The following POLR3A variants were observed in gnomAD, a reference collection of about 807,000 sequenced individuals.
The protein encoded by POLR3A is RNA polymerase III subunit A, also known as DNA-directed RNA polymerase III subunit RPC1.
POLR3A carries 112 observed loss-of-function variants against 152.8 expected under a neutral mutation model. The observed-to-expected ratio is 0.73, with a 90% confidence interval of 0.63 to 0.86. The LOEUF is 0.86. POLR3A is among the 40% of genes least tolerant of loss of function. POLR3A has a pLI of 0.00. For synonymous variants in POLR3A, 615 were observed against 652.1 expected, an observed-to-expected ratio of 0.94 and a Z score of 0.87; for missense variants, 1,385 against 1,743.1, an observed-to-expected ratio of 0.79 and a Z score of 3.66.
intron 28 of POLR3A, 36 bp downstream of exon 28, chr10:77,982,118 C>T (rs145084873): frequency 1.3e-6 from 2 of 1,597,960 alleles, no homozygotes; most frequent in Non-Finnish European, 1.7e-6. Context: ...AGGAAGACAG[C>T]CTAACCCTAA....
intron 7 of POLR3A, 33 bp downstream of exon 7, chr10:78,021,827 G>T: frequency 6.2e-7 from 1 of 1,612,652 alleles, no homozygotes; most frequent in African/African-American, 1.3e-5. Context: ...AAAGAGAGTG[G>T]GCTGGCTTCT....
At chr10:78,018,151 G>A (rs1238615759) in intron 9 of POLR3A, among the ~76,000 whole-genome samples, 3 of 146,024 alleles carry the variant, frequency 2.1e-5, no homozygotes. Flanking sequence ...GCTCCAGCCT[G>A]AGTGACAGAC....
At chr10:78,008,018 G>GGT in intron 14 of POLR3A, 152 bp from the exon 15 acceptor site, 2 of 414,328 alleles carry the variant, frequency 4.8e-6, no homozygotes, top group Non-Finnish European at 4.4e-6. Flanking sequence ...TTGGGGGGAG[G>GGT]GAGGGGGGGT....
chr10:78,007,461 G>A (rs746727816), intron 15 of POLR3A, among the ~76,000 whole-genome samples: 1 of 152,184 alleles, frequency 6.6e-6, no homozygotes, highest in Non-Finnish European at 1.5e-5. Flanking sequence ...GAAGACCGTA[G>A]GGAGCTACTG....
chr10:78,024,145 C>G (rs1158368724), intron 5 of POLR3A, among the ~76,000 whole-genome samples: 1 of 152,068 alleles, frequency 6.6e-6, no homozygotes, highest in Non-Finnish European at 1.5e-5. Flanking sequence ...GACTGGATCA[C>G]CTGTGGTCAG....
At chr10:77,988,945 T>C (rs11815910) in intron 21 of POLR3A, among the ~76,000 whole-genome samples, 1,581 of 152,298 alleles carry the variant, frequency 0.01, 31 homozygotes, top group African/African-American at 0.035. Context: ...CAAGGGACTG[T>C]GCACACATAG....
chr10:78,017,055 A>G (rs1015730819), intron 10 of POLR3A, among the ~76,000 whole-genome samples: 9 of 152,086 alleles, frequency 5.9e-5, no homozygotes, highest in African/African-American at 1.9e-4. Context: ...AAAAATATTA[A>G]AGCTTACTAA....
Position 78,022,234 on chromosome 10 carries a change from C to A in POLR3A, c.796G>T (p.Val266Phe). Residue 266 changes from valine to phenylalanine, a missense_variant, in exon 6 of 31, where the codon GTT (valine) becomes TTT (phenylalanine). Coordinates refer to ENST00000372371, the MANE Select transcript of POLR3A (RefSeq NM_007055.4). ...GTGCCAGACTTCAAATCACTCACAACGGAGGGTCTGATACACAAAGGAGGC... is the reference window on the plus strand; with the variant it reads ...GTGCCAGACTTCAAATCACTCACAAAGGAGGGTCTGATACACAAAGGAGGC... ...LVPPLCIRPS[V>F]VSDLKSGTNE... The A allele has an allele frequency of 6.2e-7, 1 of 1,614,170 alleles. No individual in the cohort carries two copies. Among genetic ancestry groups the A allele is most frequent in the Non-Finnish European group, 8.5e-7 (1 of 1,180,006 alleles).
intron 19 of POLR3A, among the ~76,000 whole-genome samples, chr10:77,995,454 G>T (rs1847290333): frequency 6.6e-6 from 1 of 152,262 alleles, no homozygotes; most frequent in Non-Finnish European, 1.5e-5. Context: ...CAAAATAAAG[G>T]GATGGAGGAA....
intron 30 of POLR3A, among the ~76,000 whole-genome samples, chr10:77,977,986 G>A (rs1847105652): frequency 6.6e-6 from 1 of 152,190 alleles, no homozygotes; most frequent in Non-Finnish European, 1.5e-5. Flanking sequence ...GAAACTCTAA[G>A]TTTGCCACCC....
At chr10:78,018,415 C>G (rs1439638392) in intron 9 of POLR3A, among the ~76,000 whole-genome samples, 2 of 151,198 alleles carry the variant, frequency 1.3e-5, no homozygotes. Flanking sequence ...AGGAAACTTG[C>G]TTGAACCTGG....
Position 78,020,613 on chromosome 10 carries a change from T to C in POLR3A, c.1185+933A>G, listed in dbSNP as rs987699003. On this transcript the variant is annotated intron_variant, in intron 8 of 30. Transcript: ENST00000372371. Reference sequence around the variant, plus strand: ...ACGATCCTGGCCAACATGGTGAAACTCCGTCTCTACTAAAAATACAGAAAA... The same window carrying C: ...ACGATCCTGGCCAACATGGTGAAACCCCGTCTCTACTAAAAATACAGAAAA... Among the ~76,000 whole-genome samples the C allele has an allele frequency of 3.3e-5, 5 of 151,144 alleles. No homozygotes were observed. The East Asian group carries it at 7.9e-4, about 24-fold the overall frequency.
At chr10:78,006,419 A>G (rs1847412704) in intron 15 of POLR3A, among the ~76,000 whole-genome samples, 1 of 150,644 alleles carries the variant, frequency 6.6e-6, no homozygotes. Context: ...AAAAAAAAAA[A>G]AAGAAACAAA....
chr10:77,986,997 AGT>A (rs1847204607), intron 21 of POLR3A, among the ~76,000 whole-genome samples: 1 of 152,202 alleles, frequency 6.6e-6, no homozygotes, highest in Non-Finnish European at 1.5e-5. Flanking sequence ...TAGGATTTAC[AGT>A]GTGTCTGTGA....
At chr10:78,004,632 C>CA in intron 16 of POLR3A, 84 bp downstream of exon 16, 2 of 1,130,834 alleles carry the variant, frequency 1.8e-6, no homozygotes, top group Non-Finnish European at 2.6e-6. Flanking sequence ...TACCTCTATT[C>CA]ATGGCTCAGC....
At chr10:78,017,799 TTAATA>T in intron 9 of POLR3A, 83 bp from the exon 10 acceptor site, 2 of 1,405,068 alleles carry the variant, frequency 1.4e-6, no homozygotes, top group Non-Finnish European at 2.0e-6. Context: ...GATTCAATCT[TTAATA>T]TATTATTTCA....
In POLR3A at chr10:77,982,778, T is replaced by C; in HGVS notation, c.3469A>G (p.Lys1157Glu). ...ETVRYSICTS[K>E]LRVKPGDVAV... is the part of the protein sequence containing the mutation. ...ACATCACCGGGCTTCACACGGAGCT[T>C]GGATGTGCAGATGGAATATCTCACT... is the stretch of plus-strand genomic sequence containing the variant. Residue 1157 changes from lysine (K) to glutamate (E), a missense_variant, in exon 27 of 31, where the codon AAG (lysine) becomes GAG (glutamate). Coordinates refer to ENST00000372371, the MANE Select transcript of POLR3A (RefSeq NM_007055.4). 1 of 1,614,050 alleles carries C rather than the reference T, an allele frequency of 6.2e-7. No homozygotes were observed.
chr10:78,025,194 ATTTTC>A (rs749639138), intron 3 of POLR3A, 52 bp from the exon 4 acceptor site: 45 of 1,599,336 alleles, frequency 2.8e-5, no homozygotes, highest in Non-Finnish European at 3.9e-5. Context: ...ATGAAAAATT[ATTTTC>A]TTTTAAAAAT....
At position 77,982,802 on chromosome 10, in the gene POLR3A, C is replaced by T. The variant is rs1481348423; in HGVS notation, c.3445G>A (p.Val1149Met). 3.7e-6 allele frequency: 6 copies of T among 1,613,990 alleles called. No individual in the cohort carries two copies. The highest frequency in any genetic ancestry group is 2.2e-5 in the East Asian group (1 of 44,892). ...TTGGATGTGCAGATGGAATATCTCA[C>T]TGTCTCAGCGTTCACCTGCAACATG... The part of the protein sequence containing the change: ...LLRLEVNAET[V>M]RYSICTSKLR... Residue 1149 changes from valine (V) to methionine (M), a missense_variant, in exon 27 of 31, where the codon GTG becomes ATG. Val to Met is a conservative substitution (Grantham distance 21). Around this residue, in one of 7 missense-constraint regions of POLR3A, gnomAD observed 332 missense variants for 400.1 expected, o/e 0.83. Coordinates refer to ENST00000372371, the MANE Select transcript of POLR3A (RefSeq NM_007055.4).
Sources: allele counts gnomAD v4.1 joint callset (sites outside exome capture counted in the v4.1 genomes callset), GRCh38; gene constraint gnomAD v4.1.1; regional missense constraint gnomAD v4.1.1; transcripts MANE v1.5; gene names NCBI Gene and HGNC (gene_info 2026-07-23, HGNC 2026-07-21).